Variants in FAIM observed in about 807,000 individuals in gnomAD.
FAIM encodes the protein Fas apoptotic inhibitory molecule.
In FAIM, 14 loss-of-function variants were observed where a neutral mutation model predicts 21.2. The ratio of observed to expected loss-of-function variants is 0.66; its 90% CI spans 0.44 to 1.03. FAIM has a LOEUF of 1.03. Among genes scored for constraint, FAIM ranks in the 50% least tolerant of loss-of-function variants. The probability of loss-of-function intolerance (pLI) is 0.00; values close to 1 mark genes in which losing one functional copy is unlikely to be tolerated. For synonymous variants in FAIM, 86 were observed against 80.4 expected, an observed-to-expected ratio of 1.07 and a Z score of -0.37; for missense variants, 222 against 247.1, an observed-to-expected ratio of 0.90 and a Z score of 0.68.
At chr3:138,614,386 A>G (rs2042803422) in intron 1 of FAIM, among the ~76,000 whole-genome samples, 1 of 151,096 alleles carries the variant, frequency 6.6e-6, no homozygotes, top group Non-Finnish European at 1.5e-5. Flanking sequence ...GCTGCAGTGA[A>G]TTGAGATCGC....
chr3:138,613,817 A>G (rs932548721), intron 1 of FAIM, among the ~76,000 whole-genome samples: 3 of 152,050 alleles, frequency 2.0e-5, no homozygotes, highest in East Asian at 1.9e-4. Flanking sequence ...CAATTTATCT[A>G]TTTTTTTCTT....
At chr3:138,624,616 T>G (rs546630140) in intron 4 of FAIM, among the ~76,000 whole-genome samples, 5 of 152,320 alleles carry the variant, frequency 3.3e-5, no homozygotes, top group African/African-American at 1.2e-4. Context: ...TTGCTTGCAC[T>G]TCTGCTTCCA....
chr3:138,609,612 CGACT>C (rs1560491147), intron 1 of FAIM, among the ~76,000 whole-genome samples: 1 of 62,692 alleles, frequency 1.6e-5, no homozygotes, highest in Admixed American at 2.0e-4. Flanking sequence ...CTCTCTCTCT[CGACT>C]CTCTCTCTCT....
chr3:138,619,721 C>T lies in FAIM; in HGVS notation c.-6C>T. ...CTAATTGGATTAAAGACTGTTTTTG[C>T]CAACCATGGCATCTGGAGATGACAG... On this transcript the variant is annotated 5_prime_UTR_variant, in exon 2 of 6. Coordinates refer to ENST00000360570, the MANE Select transcript of FAIM (RefSeq NM_001033031.2). 1 of 1,612,254 alleles carries T rather than the reference C, an allele frequency of 6.2e-7. No individual in the cohort carries two copies. Among genetic ancestry groups the T allele is most frequent in the Non-Finnish European group, 8.5e-7 (1 of 1,179,376 alleles).
intron 1 of FAIM, among the ~76,000 whole-genome samples, chr3:138,617,579 C>A (rs1178452111): frequency 2.1e-5 from 3 of 145,170 alleles, no homozygotes; most frequent in Admixed American, 1.4e-4. Flanking sequence ...GTCACCCAGG[C>A]TGGAGTACAT....
At position 138,632,936 on chromosome 3, in the gene FAIM, T is replaced by A; in HGVS notation, c.463T>A (p.Phe155Ile). The change falls in exon 6 of 6, where the codon TTT (phenylalanine) becomes ATT (isoleucine). Residue 155 changes from phenylalanine to isoleucine, a missense_variant. By Grantham distance (21) the Phe-to-Ile change is conservative (BLOSUM62 0). Transcript: ENST00000360570. ...NGKKLETAGEFVDDGTETHFS... is the reference protein window; with the variant it reads ...NGKKLETAGEIVDDGTETHFS... ...TCTTCTTTTGTTGCTCCAGGGTGAG[T>A]TTGTAGATGATGGGACTGAAACTCA... is the stretch of plus-strand genomic sequence containing the variant. 6.2e-7 allele frequency: 1 copy of A among 1,612,434 alleles called. No homozygotes were observed.
At chr3:138,629,085 A>T in intron 4 of FAIM, 22 bp from the exon 5 acceptor site, 1 of 1,570,324 alleles carries the variant, frequency 6.4e-7, no homozygotes, top group Middle Eastern at 1.8e-4. Context: ...TATAACTTAA[A>T]GTTTTTATGT....
intron 1 of FAIM, among the ~76,000 whole-genome samples, chr3:138,616,613 C>T (rs759028263): frequency 6.6e-6 from 1 of 152,134 alleles, no homozygotes; most frequent in South Asian, 2.1e-4. Context: ...CCTGTCTCAG[C>T]CTCTCAAAGT....
chr3:138,621,460 C>T lies in FAIM; in HGVS notation c.98C>T (p.Ala33Val), dbSNP rs995323188. ...GATCTCGTAGCTGTTTGGGATGTTGCTTTAAGTGACGGAGTCCACAAGATC... is the reference window on the plus strand; with the variant it reads ...GATCTCGTAGCTGTTTGGGATGTTGTTTTAAGTGACGGAGTCCACAAGATC... ...MTDLVAVWDVALSDGVHKIEF... is the reference protein window; with the variant it reads ...MTDLVAVWDVVLSDGVHKIEF... Residue 33 changes from alanine (A) to valine (V), a missense_variant, in exon 3 of 6, where the codon GCT becomes GTT. Coordinates refer to ENST00000360570, the MANE Select transcript of FAIM (RefSeq NM_001033031.2). 6.2e-7 allele frequency: 1 copy of T among 1,613,892 alleles called. No individual in the cohort carries two copies. Among genetic ancestry groups the T allele is most frequent in the African/African-American group, 1.3e-5 (1 of 74,992 alleles).
chr3:138,609,068 G>C (rs1453743778), intron 1 of FAIM, 131 bp downstream of exon 1: 1 of 152,618 alleles, frequency 6.6e-6, no homozygotes, highest in Non-Finnish European at 1.4e-5. Context: ...GCCCTGCTGC[G>C]CCGGCGGCGG....
intron 1 of FAIM, among the ~76,000 whole-genome samples, chr3:138,614,463 T>G (rs1015253582): frequency 4.0e-5 from 6 of 151,898 alleles, no homozygotes; most frequent in Admixed American, 3.3e-4. Flanking sequence ...AAAAGAAGGA[T>G]TTTCTTCAAA....
intron 1 of FAIM, chr3:138,610,806 C>T: frequency 1.5e-6 from 1 of 648,152 alleles, no homozygotes; most frequent in Non-Finnish European, 2.7e-6. Flanking sequence ...TGGTCTTGAA[C>T]TATTGACCTC....
chr3:138,622,475 C>G (rs1364277375), intron 4 of FAIM, 59 bp downstream of exon 4: 2 of 1,107,362 alleles, frequency 1.8e-6, no homozygotes, highest in Non-Finnish European at 2.6e-6. Context: ...CTGTTTAATT[C>G]CTGTAACTGT....
At chr3:138,624,198 T>TG (rs1298716581) in intron 4 of FAIM, among the ~76,000 whole-genome samples, 1 of 152,252 alleles carries the variant, frequency 6.6e-6, no homozygotes, top group African/African-American at 2.4e-5. Flanking sequence ...TTATGATTAG[T>TG]GTCAACACAC....
intron 4 of FAIM, among the ~76,000 whole-genome samples, chr3:138,627,446 G>A (rs1323947354): frequency 4.6e-5 from 7 of 152,152 alleles, no homozygotes; most frequent in Admixed American, 6.5e-5. Context: ...TTCCCAAAGT[G>A]CTGGGATTAC....
chr3:138,617,952 A>G (rs1300947025), intron 1 of FAIM, among the ~76,000 whole-genome samples: 1 of 146,882 alleles, frequency 6.8e-6, no homozygotes, highest in East Asian at 2.0e-4. Flanking sequence ...TGTATATAGT[A>G]ACTATATATT....
intron 1 of FAIM, among the ~76,000 whole-genome samples, chr3:138,612,190 T>G (rs2042776900): frequency 7.2e-6 from 1 of 139,822 alleles, no homozygotes; most frequent in Non-Finnish European, 1.5e-5. Context: ...AAGCTCCGCC[T>G]CCCGGGTTCA....
intron 2 of FAIM, among the ~76,000 whole-genome samples, chr3:138,620,477 C>A (rs1175666243): frequency 6.6e-6 from 1 of 152,138 alleles, no homozygotes; most frequent in African/African-American, 2.4e-5. Context: ...TGCCAGAAAT[C>A]TCTGACAAAC....
chr3:138,618,941 TA>T (rs1428854745), intron 1 of FAIM, among the ~76,000 whole-genome samples: 2 of 152,236 alleles, frequency 1.3e-5, no homozygotes, highest in Non-Finnish European at 2.9e-5. Flanking sequence ...CTGATTTTAG[TA>T]CAGCTTAATT....
Sources: allele counts gnomAD v4.1 joint callset (sites outside exome capture counted in the v4.1 genomes callset), GRCh38; gene constraint gnomAD v4.1.1; transcripts MANE v1.5; gene names NCBI Gene and HGNC (gene_info 2026-07-23, HGNC 2026-07-21).